The following SLC6A6 variants were observed in gnomAD, a reference collection of about 807,000 sequenced individuals.
The protein encoded by SLC6A6 is solute carrier family 6 member 6.
In SLC6A6, 16 loss-of-function variants were observed where a neutral mutation model predicts 68.8. That is an observed-to-expected ratio of 0.23 (90% CI 0.16 to 0.35). The LOEUF (loss-of-function observed/expected upper bound fraction) is 0.35. Ranked by LOEUF, SLC6A6 falls within the 10% of genes least tolerant of loss-of-function variation. SLC6A6 has a pLI of 1.00. For synonymous variants in SLC6A6, 312 were observed against 315.4 expected, an observed-to-expected ratio of 0.99 and a Z score of 0.12; for missense variants, 474 against 802.8, an observed-to-expected ratio of 0.59 and a Z score of 4.95.
At chr3:14,454,252 G>T (rs1700318284) in intron 5 of SLC6A6, among the ~76,000 whole-genome samples, 1 of 149,764 alleles carries the variant, frequency 6.7e-6, no homozygotes, top group Non-Finnish European at 1.5e-5. Flanking sequence ...AATCATCCTG[G>T]GGGCGTCAGG....
At position 14,443,830 on chromosome 3, in the gene SLC6A6, C is replaced by T. The variant is rs1219059633; in HGVS notation, c.196C>T (p.Arg66Cys). The change falls in exon 3 of 15, where the codon CGC becomes TGC. Residue 66 changes from arginine (R) to cysteine (C), a missense_variant. By Grantham distance (180) the Arg-to-Cys change is radical (BLOSUM62 -3). Around this residue, in one of 2 missense-constraint regions of SLC6A6, gnomAD observed 280 missense variants for 533.1 expected, o/e 0.53. Transcript: ENST00000622186. The stretch of plus-strand genomic sequence containing the variant: ...CTTCGTGGGCTTGGGCAACGTCTGG[C>T]GCTTCCCGTACCTCTGCTACAAGAA... ...GGFVGLGNVW[R>C]FPYLCYKNGG... 1.2e-6 allele frequency: 2 copies of T among 1,613,808 alleles called. No homozygotes were observed. The highest frequency in any genetic ancestry group is 1.7e-5 in the Admixed American group (1 of 60,028).
At chr3:14,463,623 T>C (rs1307874217) in intron 6 of SLC6A6, among the ~76,000 whole-genome samples, 2 of 152,220 alleles carry the variant, frequency 1.3e-5, no homozygotes, top group Non-Finnish European at 2.9e-5. Context: ...CCTGGCCGCC[T>C]GTCCGCCTGT....
At chr3:14,476,491 G>C (rs9820113) in intron 10 of SLC6A6, among the ~76,000 whole-genome samples, 1 of 152,152 alleles carries the variant, frequency 6.6e-6, no homozygotes, top group Non-Finnish European at 1.5e-5. Context: ...AGCCCAGGAA[G>C]GGGTTCCTGG....
intron 1 of SLC6A6, among the ~76,000 whole-genome samples, chr3:14,414,118 A>G (rs1699311944): frequency 6.6e-6 from 1 of 152,186 alleles, no homozygotes; most frequent in Admixed American, 6.5e-5. Context: ...ATCGGGACTC[A>G]GTTTCCTTCT....
chr3:14,404,393 G>T (rs962532639), intron 1 of SLC6A6, among the ~76,000 whole-genome samples: 5 of 152,090 alleles, frequency 3.3e-5, no homozygotes, highest in African/African-American at 1.2e-4. Flanking sequence ...ATCCAAAGGG[G>T]GCCTAGCACG....
In SLC6A6 at chr3:14,447,631, C is replaced by T. The variant is rs1488676313; in HGVS notation, c.414C>T (p.Tyr138=). 2.5e-6 allele frequency: 4 copies of T among 1,614,228 alleles called. No individual in the cohort carries two copies. Among genetic ancestry groups the T allele is most frequent in the South Asian group, 2.2e-5 (2 of 91,090 alleles). ...VVIVSLLNVY[Y]IVILAWATYY... is the part of the protein sequence containing the mutation. ...TTGTGTCCCTCCTGAATGTCTACTA[C>T]ATCGTCATCCTGGCCTGGGCCACAT... Residue 138 remains tyrosine, a synonymous_variant, in exon 5 of 15, where the codon TAC becomes TAT. Coordinates refer to ENST00000622186, the MANE Select transcript of SLC6A6 (RefSeq NM_003043.6).
In SLC6A6 at chr3:14,481,558, C is replaced by T; in HGVS notation, c.1552-113C>T. The stretch of plus-strand genomic sequence containing the variant: ...AGAGGGGTGTGAGTTCTGAGCCAGT[C>T]CTTTCCCAAGGAGAGAGACCCTTCC... On this transcript the variant is annotated intron_variant, in intron 13 of 14. Coordinates refer to ENST00000622186, the MANE Select transcript of SLC6A6 (RefSeq NM_003043.6). The surrounding 1 kb of genome is among the most constrained non-coding windows in gnomAD (Gnocchi z 4.7). 1 of 721,476 alleles carries T rather than the reference C, an allele frequency of 1.4e-6. No individual in the cohort carries two copies. The highest frequency in any genetic ancestry group is 2.4e-6 in the Non-Finnish European group (1 of 419,640). The allele number at this position is 721,476 out of a possible 1,614,324, so 44.7% of individuals were successfully genotyped here.
chr3:14,421,532 A>C (rs1289539666), intron 2 of SLC6A6, among the ~76,000 whole-genome samples: 1 of 152,252 alleles, frequency 6.6e-6, no homozygotes. Flanking sequence ...TTAGCTCAGA[A>C]CGGCACATAG....
intron 7 of SLC6A6, among the ~76,000 whole-genome samples, chr3:14,466,981 C>G (rs1350394586): frequency 6.6e-6 from 1 of 152,230 alleles, no homozygotes; most frequent in Non-Finnish European, 1.5e-5. Context: ...CTTCTGCCCA[C>G]TGCAGCCACA....
chr3:14,432,148 G>C (rs1176121068), intron 2 of SLC6A6, among the ~76,000 whole-genome samples: 1 of 152,206 alleles, frequency 6.6e-6, no homozygotes, highest in Non-Finnish European at 1.5e-5. Flanking sequence ...AGCAAGGGAG[G>C]GGCTGCCCTC....
Position 14,466,665 on chromosome 3 carries a change from G to A in SLC6A6, c.867+15G>A. 6.3e-7 allele frequency: 1 copy of A among 1,595,442 alleles called. No homozygotes were observed. The highest frequency in any genetic ancestry group is 1.3e-5 in the African/African-American group (1 of 74,564). On this transcript the variant is annotated intron_variant, in intron 7 of 14. Coordinates refer to ENST00000622186, the MANE Select transcript of SLC6A6 (RefSeq NM_003043.6). ...AGGACCCACAGGTACTGTGGGGCTG[G>A]GACACACCATCCTCCCTCCCATCCA...
chr3:14,437,290 C>T (rs1392316408), intron 2 of SLC6A6, among the ~76,000 whole-genome samples: 1 of 152,000 alleles, frequency 6.6e-6, no homozygotes, highest in Non-Finnish European at 1.5e-5. Flanking sequence ...CAGGGTCTCG[C>T]TCTGTCACCC....
chr3:14,453,176 C>T (rs746680458), intron 5 of SLC6A6, among the ~76,000 whole-genome samples: 29 of 152,186 alleles, frequency 1.9e-4, no homozygotes, highest in Non-Finnish European at 4.3e-4. Context: ...CAAAAGGAAA[C>T]GATTTGGCCC....
intron 2 of SLC6A6, among the ~76,000 whole-genome samples, chr3:14,427,485 CTCTG>C (rs976723466): frequency 1.3e-5 from 2 of 152,192 alleles, no homozygotes; most frequent in Non-Finnish European, 2.9e-5. Flanking sequence ...CTTCCCAGGC[CTCTG>C]TCTGCTTACT....
intron 2 of SLC6A6, among the ~76,000 whole-genome samples, chr3:14,429,679 C>T (rs1462251210): frequency 6.6e-6 from 1 of 152,196 alleles, no homozygotes; most frequent in East Asian, 1.9e-4. Flanking sequence ...TTCGTGGGCC[C>T]CCACCTTGAA....
intron 2 of SLC6A6, among the ~76,000 whole-genome samples, chr3:14,430,398 A>T (rs1468252787): frequency 2.0e-5 from 3 of 152,094 alleles, no homozygotes; most frequent in Non-Finnish European, 4.4e-5. Flanking sequence ...GGCCATCAGA[A>T]GGTATACCAT....
At chr3:14,461,171 G>A (rs1001202172) in intron 6 of SLC6A6, among the ~76,000 whole-genome samples, 3 of 152,230 alleles carry the variant, frequency 2.0e-5, no homozygotes, top group Non-Finnish European at 4.4e-5. Context: ...TAACGGTGGC[G>A]AAAGCGCAGT....
rs1258729571 is a variant in SLC6A6 at position 14,450,690 on chromosome 3, C to T, written c.599+2874C>T. On this transcript the variant is annotated intron_variant, in intron 5 of 14. Coordinates refer to ENST00000622186, the MANE Select transcript of SLC6A6 (RefSeq NM_003043.6). The surrounding 1 kb of genome is among the most constrained non-coding windows in gnomAD (Gnocchi z 4.1). ...CCTCCTGTGACCTGCCTTCACAGCA[C>T]AGGCCGAGGCCAGAGAGCTACACCA... Among the ~76,000 whole-genome samples, 1 of 151,894 alleles carries T rather than the reference C, an allele frequency of 6.6e-6. No individual in the cohort carries two copies. The highest frequency in any genetic ancestry group is 2.4e-5 in the African/African-American group (1 of 41,302).
intron 1 of SLC6A6, among the ~76,000 whole-genome samples, chr3:14,413,599 G>C (rs966601034): frequency 1.1e-4 from 16 of 152,160 alleles, no homozygotes; most frequent in Admixed American, 1.0e-3. Context: ...TTAGACCTTG[G>C]GGGCAGGGCT....
Sources: gnomAD v4.1 joint callset for allele counts (sites outside exome capture counted in the v4.1 genomes callset) on GRCh38, gnomAD v4.1.1 for gene constraint, gnomAD v4.1.1 regional missense constraint, Gnocchi (gnomAD v3.1) non-coding constraint, MANE v1.5 for transcripts, NCBI Gene and HGNC (gene_info 2026-07-23, HGNC 2026-07-21) for gene names.